COMMD1: variants seen among roughly 807,000 people sequenced by gnomAD.
COMMD1 encodes copper metabolism domain containing 1.
In COMMD1, 10 loss-of-function variants were observed where a neutral mutation model predicts 17.2. That is an observed-to-expected ratio of 0.58 (90% CI 0.36 to 0.99). The LOEUF is 0.99. Ranked by LOEUF, COMMD1 falls within the 50% of genes least tolerant of loss-of-function variation. The pLI is 0.01. For missense variants in COMMD1, 270 were observed against 231.8 expected, an observed-to-expected ratio of 1.17 and a Z score of -1.07; for synonymous variants, 97 against 91.6, an observed-to-expected ratio of 1.06 and a Z score of -0.34.
intron 1 of COMMD1, among the ~76,000 whole-genome samples, chr2:61,938,243 C>T (rs1008659381): frequency 4.0e-5 from 6 of 148,922 alleles, no homozygotes; most frequent in South Asian, 2.1e-4. Flanking sequence ...GCAGGCCCCA[C>T]GGAGGAGCAG....
intron 2 of COMMD1, among the ~76,000 whole-genome samples, chr2:62,120,507 T>G (rs1230116768): frequency 6.6e-6 from 1 of 152,132 alleles, no homozygotes; most frequent in African/African-American, 2.4e-5. Context: ...TTGGTTTCTT[T>G]GAGATTTAAG....
rs1332695175 is a variant in COMMD1 at position 61,990,901 on chromosome 2, T to TACACAC, written c.181-9799_181-9798insCACACA. The stretch of plus-strand genomic sequence containing the variant: ...ACAAAAAAAAAAAAAAATATATATA[T>TACACAC]ATACACACACACACACACACACACA... On this transcript the variant is annotated intron_variant, in intron 1 of 2. Transcript: ENST00000311832. 7.1e-3 allele frequency among the ~76,000 whole-genome samples: 303 copies of TACACAC among 42,698 alleles called. 1 individual carries two copies. The highest frequency in any genetic ancestry group is 0.058 in the East Asian group (45 of 778). 28.0% of individuals were successfully genotyped at this position (42,698 alleles called of 152,430 possible). A position where few individuals can be genotyped will look rare whatever the true frequency, so the allele number is the denominator to read the frequency against.
At chr2:61,990,614 C>T (rs1266051927) in intron 1 of COMMD1, among the ~76,000 whole-genome samples, 17 of 152,210 alleles carry the variant, frequency 1.1e-4, no homozygotes, top group East Asian at 5.8e-4. Context: ...TCCATGTGGC[C>T]GGAGAGGCCT....
intron 2 of COMMD1, among the ~76,000 whole-genome samples, chr2:62,054,541 G>A (rs1320358911): frequency 2.6e-5 from 4 of 152,172 alleles, no homozygotes; most frequent in Admixed American, 1.3e-4. Context: ...TCATGTCAGG[G>A]ACAGCTGACT....
chr2:62,085,614 G>A (rs559718822), intron 2 of COMMD1, among the ~76,000 whole-genome samples: 4 of 152,328 alleles, frequency 2.6e-5, no homozygotes, highest in African/African-American at 9.6e-5. Context: ...AAGGTGAGAG[G>A]ATCATTTGAG....
Position 62,012,264 on chromosome 2 carries a change from CACACAT to C in COMMD1, c.462+11288_462+11293del, listed in dbSNP as rs1289573400. 6.5e-3 allele frequency among the ~76,000 whole-genome samples: 692 copies of C among 106,364 alleles called. 8 individuals carry two copies. The highest frequency in any genetic ancestry group is 0.026 in the African/African-American group (671 of 25,900). The allele number at this position is 106,364 out of a possible 152,430, so 69.8% of individuals were successfully genotyped here. ...AGAGTGAGACCTTGTCTCAAACACACACACATACACACACACACACACACACACACA... is the reference window on the plus strand; with the variant it reads ...AGAGTGAGACCTTGTCTCAAACACACACACACACACACACACACACACACA... On this transcript the variant is annotated intron_variant, in intron 2 of 2. Coordinates refer to ENST00000311832, the MANE Select transcript of COMMD1 (RefSeq NM_152516.4).
intron 1 of COMMD1, among the ~76,000 whole-genome samples, chr2:61,919,340 G>A (rs1329891966): frequency 6.6e-6 from 1 of 152,018 alleles, no homozygotes; most frequent in Non-Finnish European, 1.5e-5. Context: ...TTTTGAGGCA[G>A]CGTCTTGTTC....
chr2:62,075,629 C>T (rs781391557), intron 2 of COMMD1, among the ~76,000 whole-genome samples: 1 of 152,302 alleles, frequency 6.6e-6, no homozygotes, highest in South Asian at 2.1e-4. Flanking sequence ...TTTCCCAAGG[C>T]TTCATAATTC....
At chr2:62,043,888 T>G (rs545269050) in intron 2 of COMMD1, among the ~76,000 whole-genome samples, 1 of 152,342 alleles carries the variant, frequency 6.6e-6, no homozygotes, top group African/African-American at 2.4e-5. Context: ...TATATCTGTT[T>G]TTTCCTGATG....
chr2:62,105,358 G>A (rs574409870), intron 2 of COMMD1, among the ~76,000 whole-genome samples: 4 of 152,070 alleles, frequency 2.6e-5, no homozygotes, highest in East Asian at 1.9e-4. Context: ...ATTATTTAGC[G>A]ATAATATAAT....
intron 2 of COMMD1, among the ~76,000 whole-genome samples, chr2:62,083,193 G>T (rs1204162589): frequency 1.3e-5 from 2 of 152,074 alleles, no homozygotes; most frequent in Non-Finnish European, 2.9e-5. Context: ...AGCCTAGGAG[G>T]TTGAGTTTGC....
At chr2:62,112,760 G>A (rs1261862493) in intron 2 of COMMD1, among the ~76,000 whole-genome samples, 1 of 152,092 alleles carries the variant, frequency 6.6e-6, no homozygotes, top group Non-Finnish European at 1.5e-5. Flanking sequence ...ATAGTAGTGG[G>A]GACATATCTA....
intron 2 of COMMD1, among the ~76,000 whole-genome samples, chr2:62,097,343 G>A (rs1672041014): frequency 6.6e-6 from 1 of 152,162 alleles, no homozygotes; most frequent in Admixed American, 6.5e-5. Context: ...CCTTACGTTT[G>A]GCAGGGGTTT....
In COMMD1 at chr2:61,965,449, A is replaced by C. The variant is rs144419758; in HGVS notation, c.181-35252A>C. On this transcript the variant is annotated intron_variant, in intron 1 of 2. Transcript: ENST00000311832. ...AAAAACCAGAGCTAAAACTACTTCAAAAGAGAAAGTCGTAGATGTCATCTG... is the reference window on the plus strand; with the variant it reads ...AAAAACCAGAGCTAAAACTACTTCACAAGAGAAAGTCGTAGATGTCATCTG... 4.9e-3 allele frequency among the ~76,000 whole-genome samples: 739 copies of C among 152,314 alleles called. 8 individuals are homozygous for C. Among genetic ancestry groups the C allele is most frequent in the African/African-American group, 0.016 (659 of 41,576 alleles).
chr2:61,905,999 C>G (rs1669763381), intron 1 of COMMD1, 141 bp downstream of exon 1: 1 of 801,712 alleles, frequency 1.2e-6, no homozygotes, highest in Non-Finnish European at 2.1e-6. Context: ...GGCTCCACAT[C>G]GGGCTCCTTC....
At chr2:61,990,869 T>C (rs1672227445) in intron 1 of COMMD1, among the ~76,000 whole-genome samples, 1 of 128,872 alleles carries the variant, frequency 7.8e-6, no homozygotes, top group East Asian at 2.3e-4. Flanking sequence ...CATATCACTC[T>C]GTCTTTACAA....
intron 1 of COMMD1, among the ~76,000 whole-genome samples, chr2:61,935,284 G>A (rs1384263248): frequency 6.6e-6 from 1 of 152,176 alleles, no homozygotes; most frequent in Non-Finnish European, 1.5e-5. Context: ...ACAAATAACA[G>A]AACTACAGTC....
chr2:61,908,522 G>A (rs1669828685), intron 1 of COMMD1, among the ~76,000 whole-genome samples: 1 of 151,962 alleles, frequency 6.6e-6, no homozygotes, highest in Admixed American at 6.6e-5. Flanking sequence ...ACTGCACCCA[G>A]CCTTTATTTA....
At chr2:62,013,076 T>C (rs1219430376) in intron 2 of COMMD1, among the ~76,000 whole-genome samples, 1 of 152,150 alleles carries the variant, frequency 6.6e-6, no homozygotes, top group Non-Finnish European at 1.5e-5. Flanking sequence ...ATGTGACTTA[T>C]ATTCTAATAG....
Sources: gnomAD v4.1 joint callset for allele counts (sites outside exome capture counted in the v4.1 genomes callset) on GRCh38, gnomAD v4.1.1 for gene constraint, MANE v1.5 for transcripts, NCBI Gene and HGNC (gene_info 2026-07-23, HGNC 2026-07-21) for gene names.